PSD3: variants seen among roughly 807,000 people sequenced by gnomAD.
PSD3 encodes the protein pleckstrin and Sec7 domain containing 3.
Under a neutral mutation model 105.5 loss-of-function variants are expected in PSD3, and 49 were observed. The observed-to-expected ratio is 0.46, with a 90% CI of 0.37 to 0.59. PSD3 has a LOEUF of 0.59. PSD3 is among the 20% of genes least tolerant of loss of function. The pLI, the probability that PSD3 is intolerant of heterozygous loss-of-function variation, is 0.00. For synonymous variants in PSD3, 557 were observed against 457.8 expected, an observed-to-expected ratio of 1.22 and a Z score of -2.77; for missense variants, 1,561 against 1,263.8, an observed-to-expected ratio of 1.24 and a Z score of -3.57.
chr8:19,020,127 G>A (rs976319925), intron 1 of PSD3, among the ~76,000 whole-genome samples: 5 of 152,134 alleles, frequency 3.3e-5, no homozygotes, highest in African/African-American at 1.2e-4. Context: ...CATGTGCTAG[G>A]TATAGTTTAC....
chr8:18,537,297 A>G (rs1475947878), intron 15 of PSD3, among the ~76,000 whole-genome samples: 4 of 152,250 alleles, frequency 2.6e-5, no homozygotes, highest in African/African-American at 4.8e-5. Flanking sequence ...TCAAAGTCAA[A>G]GTAAGGAAGA....
At chr8:18,943,758 G>C (rs555056271) in intron 1 of PSD3, among the ~76,000 whole-genome samples, 2 of 152,166 alleles carry the variant, frequency 1.3e-5, no homozygotes, top group African/African-American at 4.8e-5. Flanking sequence ...GAGCACTCTG[G>C]CCTAGGGGAC....
At chr8:18,980,019 T>C (rs1322947185) in intron 1 of PSD3, among the ~76,000 whole-genome samples, 1 of 152,222 alleles carries the variant, frequency 6.6e-6, no homozygotes, top group Non-Finnish European at 1.5e-5. Context: ...TACACTGATC[T>C]ATGTTTTAGC....
At chr8:18,706,494 GAAATAATCA>G (rs1801906803) in intron 9 of PSD3, among the ~76,000 whole-genome samples, 1 of 152,110 alleles carries the variant, frequency 6.6e-6, no homozygotes, top group Admixed American at 6.5e-5. Context: ...AATATCCAAA[GAAATAATCA>G]TTGTTCACTA....
At chr8:18,848,264 G>T (rs1181938135) in intron 4 of PSD3, among the ~76,000 whole-genome samples, 2 of 152,198 alleles carry the variant, frequency 1.3e-5, no homozygotes, top group Non-Finnish European at 2.9e-5. Flanking sequence ...TCCTAAAACT[G>T]AACGCAACAC....
intron 1 of PSD3, among the ~76,000 whole-genome samples, chr8:18,973,206 C>G (rs564520002): frequency 2.6e-5 from 4 of 152,210 alleles, no homozygotes; most frequent in Admixed American, 2.6e-4. Flanking sequence ...AGTATTGAGA[C>G]AAGGGTGACA....
intron 1 of PSD3, among the ~76,000 whole-genome samples, chr8:18,942,064 G>C (rs1365397014): frequency 6.6e-6 from 1 of 152,108 alleles, no homozygotes; most frequent in Non-Finnish European, 1.5e-5. Flanking sequence ...AAGTAAAAGT[G>C]GTTTTCAGTT....
chr8:18,896,313 C>T (rs1439975008), intron 2 of PSD3, among the ~76,000 whole-genome samples: 1 of 152,142 alleles, frequency 6.6e-6, no homozygotes, highest in Non-Finnish European at 1.5e-5. Context: ...TACTGATTTC[C>T]TTTTTTCTGG....
At chr8:18,644,050 C>G (rs1028564908) in intron 10 of PSD3, among the ~76,000 whole-genome samples, 1 of 152,228 alleles carries the variant, frequency 6.6e-6, no homozygotes, top group Non-Finnish European at 1.5e-5. Context: ...TGAAACCATT[C>G]TGCCCTCCTA....
In PSD3 at chr8:18,710,362, C is replaced by T. The variant is rs1246718214; in HGVS notation, c.2173-54677G>A. On this transcript the variant is annotated intron_variant, in intron 9 of 15. Coordinates refer to ENST00000327040, the MANE Select transcript of PSD3 (RefSeq NM_015310.4). ...AGATTATGTAAAAAGACAAAACCTA[C>T]GACTGATTGGGGTACCTGAAAGAGA... 2.6e-5 allele frequency among the ~76,000 whole-genome samples: 4 copies of T among 152,030 alleles called. No individual in the cohort carries two copies. The South Asian group carries it at 6.2e-4, about 24-fold the overall frequency.
intron 2 of PSD3, among the ~76,000 whole-genome samples, chr8:18,922,942 G>C (rs1213348139): frequency 6.6e-6 from 1 of 152,190 alleles, no homozygotes; most frequent in Non-Finnish European, 1.5e-5. Context: ...CTTTCAGGGA[G>C]CTCTGCAAAC....
At position 18,872,768 on chromosome 8, in the gene PSD3, G is replaced by A. The variant is rs750311960; in HGVS notation, c.131-35C>T. On this transcript the variant is annotated intron_variant, in intron 2 of 15. Transcript: ENST00000327040. Reference sequence around the variant, plus strand: ...GAACACAATGGACATATGACTTGTTGTAGAAAGACAGGGCCCAGTAGGTAA... The same window carrying A: ...GAACACAATGGACATATGACTTGTTATAGAAAGACAGGGCCCAGTAGGTAA... The A allele has an allele frequency of 5.3e-6, 8 of 1,506,644 alleles. No homozygotes were observed. In the South Asian group the frequency reaches 6.7e-5, roughly 13 times the overall value. 93.3% of individuals were successfully genotyped at this position (1,506,644 alleles called of 1,614,324 possible). A position where few individuals can be genotyped will look rare whatever the true frequency, so the allele number is the denominator to read the frequency against.
chr8:18,972,132 T>C (rs1339752547), intron 1 of PSD3, among the ~76,000 whole-genome samples: 2 of 152,232 alleles, frequency 1.3e-5, no homozygotes, highest in Non-Finnish European at 1.5e-5. Context: ...ATTTCCTCAA[T>C]CTATTTTCAT....
intron 11 of PSD3, among the ~76,000 whole-genome samples, chr8:18,618,808 C>G (rs13249981): frequency 0.55 from 83,085 of 151,878 alleles, 23,173 homozygotes; most frequent in Middle Eastern, 0.73. Flanking sequence ...AGCCCCCTGA[C>G]TAGCTGGGTC....
In PSD3 at chr8:18,591,994, A is replaced by T. The variant is rs186399131; in HGVS notation, c.2481+8370T>A. ...TACTGGAAGAGGTGGCTGATTCTTC[A>T]AATGTGCAGATCCCAATACAGCTAC... On this transcript the variant is annotated intron_variant, in intron 12 of 15. Coordinates refer to ENST00000327040, the MANE Select transcript of PSD3 (RefSeq NM_015310.4). Among the ~76,000 whole-genome samples the T allele has an allele frequency of 3.9e-5, 6 of 152,174 alleles. No homozygotes were observed. The East Asian group carries it at 9.6e-4, about 24-fold the overall frequency.
chr8:18,852,235 TA>T (rs1389633524), intron 4 of PSD3, among the ~76,000 whole-genome samples: 2 of 152,076 alleles, frequency 1.3e-5, no homozygotes, highest in Non-Finnish European at 2.9e-5. Context: ...AACCATGGAA[TA>T]AAAATATTAT....
upstream of PSD3, among the ~76,000 whole-genome samples, chr8:19,015,794 G>C (rs999134742): frequency 7.9e-5 from 12 of 152,230 alleles, no homozygotes; most frequent in Non-Finnish European, 1.6e-4. Context: ...CTGGCCTATA[G>C]TGAATGTTCA....
At chr8:18,941,932 C>G (rs1822574167) in intron 1 of PSD3, among the ~76,000 whole-genome samples, 1 of 152,102 alleles carries the variant, frequency 6.6e-6, no homozygotes, top group Admixed American at 6.6e-5. Flanking sequence ...CTCGGCCTCC[C>G]AAAGTGCTGG....
intron 11 of PSD3, among the ~76,000 whole-genome samples, chr8:18,601,813 T>A (rs1399438816): frequency 6.6e-6 from 1 of 152,212 alleles, no homozygotes. Context: ...GAAATTCTGA[T>A]ACTGCCAACA....
Sources: gnomAD v4.1 joint callset for allele counts (sites outside exome capture counted in the v4.1 genomes callset) on GRCh38, gnomAD v4.1.1 for gene constraint, MANE v1.5 for transcripts, NCBI Gene and HGNC (gene_info 2026-07-23, HGNC 2026-07-21) for gene names.